Variants in INO80 observed in about 807,000 individuals in gnomAD.
INO80 encodes the protein INO80 complex ATPase subunit.
INO80 carries 20 observed loss-of-function variants against 203.4 expected under a neutral mutation model. The observed-to-expected ratio is 0.10, with a 90% CI of 0.07 to 0.14. The LOEUF (loss-of-function observed/expected upper bound fraction) is 0.14. Ranked by LOEUF, INO80 falls within the 10% of genes least tolerant of loss-of-function variation. The pLI is 1.00. For missense variants in INO80, 1,419 were observed against 1,914.4 expected, an observed-to-expected ratio of 0.74 and a Z score of 4.83; for synonymous variants, 726 against 685.2, an observed-to-expected ratio of 1.06 and a Z score of -0.93.
chr15:41,106,418 A>G (rs1270575256), intron 1 of INO80, among the ~76,000 whole-genome samples: 1 of 150,028 alleles, frequency 6.7e-6, no homozygotes, highest in East Asian at 2.0e-4. Flanking sequence ...GAAAGAAAAA[A>G]ATTAGATTAG....
chr15:41,036,349 A>G (rs1351597856), intron 24 of INO80, among the ~76,000 whole-genome samples: 1 of 151,890 alleles, frequency 6.6e-6, no homozygotes, highest in Non-Finnish European at 1.5e-5. Context: ...AGCAACCTCT[A>G]TTGCAAGTTT....
At chr15:41,086,079 G>A (rs2045558740) in intron 6 of INO80, among the ~76,000 whole-genome samples, 2 of 152,112 alleles carry the variant, frequency 1.3e-5, no homozygotes, top group Admixed American at 6.6e-5. Context: ...TCAAGTAATA[G>A]TCAAAGGAAG....
At chr15:41,090,911 G>C (rs1334749039) in intron 5 of INO80, among the ~76,000 whole-genome samples, 1 of 148,222 alleles carries the variant, frequency 6.7e-6, no homozygotes, top group Non-Finnish European at 1.5e-5. Context: ...TGATTCCAGA[G>C]AATTTTAGAA....
intron 28 of INO80, among the ~76,000 whole-genome samples, chr15:41,003,331 T>TTC (rs1341794126): frequency 6.0e-5 from 7 of 117,592 alleles, no homozygotes; most frequent in African/African-American, 1.5e-4. Flanking sequence ...TTTCTTTTCT[T>TTC]TTCTTTTTTT....
chr15:41,068,492 C>A (rs981943710), intron 14 of INO80, among the ~76,000 whole-genome samples: 1 of 151,642 alleles, frequency 6.6e-6, no homozygotes, highest in East Asian at 1.9e-4. Flanking sequence ...ACCCTGGAGG[C>A]AAAGGTTGCG....
At chr15:41,056,240 G>A (rs760302101) in intron 17 of INO80, among the ~76,000 whole-genome samples, 7 of 151,914 alleles carry the variant, frequency 4.6e-5, no homozygotes, top group Non-Finnish European at 7.4e-5. Flanking sequence ...GCAGCTGCAC[G>A]CAGCCTCTAT....
intron 25 of INO80, chr15:41,024,535 CA>C (rs2044346652): frequency 6.6e-6 from 1 of 152,230 alleles, no homozygotes; most frequent in Non-Finnish European, 1.5e-5. Flanking sequence ...ACAGTACCTT[CA>C]GGGGCTGCCC....
rs776508189 is a variant in INO80, at chr15:41,047,521, T to G, written c.2642-20A>C. On this transcript the variant is annotated intron_variant, in intron 22 of 35. Coordinates refer to ENST00000648947, the MANE Select transcript of INO80 (RefSeq NM_017553.3). ...TAATACCTGAAATATAAAAGACAAT[T>G]TGAAACCCAACAGCAAACCAAGAGA... 1 of 1,534,294 alleles carries G rather than the reference T, an allele frequency of 6.5e-7. No individual in the cohort carries two copies. The highest frequency in any genetic ancestry group is 2.3e-5 in the East Asian group (1 of 44,356).
chr15:41,024,463 T>G (rs979373071), intron 25 of INO80: 7 of 152,134 alleles, frequency 4.6e-5, no homozygotes, highest in Non-Finnish European at 1.0e-4. Flanking sequence ...CCACAAAAAA[T>G]GCATACTCTC....
chr15:41,098,337 C>T (rs1233804031), intron 1 of INO80, among the ~76,000 whole-genome samples: 4 of 151,932 alleles, frequency 2.6e-5, no homozygotes, highest in Non-Finnish European at 4.4e-5. Flanking sequence ...AAAAATTAGC[C>T]CATGCGAATT....
chr15:41,068,522 T>C (rs2045259246), intron 14 of INO80, among the ~76,000 whole-genome samples: 1 of 151,412 alleles, frequency 6.6e-6, no homozygotes, highest in African/African-American at 2.4e-5. Context: ...GTTTGCACCA[T>C]TACACTCTAG....
chr15:41,058,559 G>GTA, intron 16 of INO80, 80 bp downstream of exon 16: 1 of 1,051,088 alleles, frequency 9.5e-7, no homozygotes, highest in Non-Finnish European at 1.4e-6. Context: ...GTCTGTGTGT[G>GTA]TGTGTGTGTG....
At chr15:40,987,725 A>G in intron 30 of INO80, 91 bp downstream of exon 30, 1 of 1,226,200 alleles carries the variant, frequency 8.2e-7, no homozygotes, top group Admixed American at 2.2e-5. Context: ...AATGAAAGGC[A>G]AGAGAGTTTT....
rs1411021153 is a variant in INO80 at position 40,997,789 on chromosome 15, G to A, written c.3498-188C>T. On this transcript the variant is annotated intron_variant, in intron 28 of 35. Coordinates refer to ENST00000648947, the MANE Select transcript of INO80 (RefSeq NM_017553.3). The stretch of plus-strand genomic sequence containing the variant: ...TGCTCTGTTGTTACAACCAAACATG[G>A]AGGTCATCTTCCAATTTGCAGATAA... 4 of 468,862 alleles carry A rather than the reference G, an allele frequency of 8.5e-6. No individual in the cohort carries two copies. In the East Asian group the frequency reaches 1.1e-4, roughly 13 times the overall value. The allele number at this position is 468,862 out of a possible 1,614,324, so 29.0% of individuals were successfully genotyped here.
chr15:41,027,143 G>A (rs1474725823), intron 25 of INO80, among the ~76,000 whole-genome samples: 1 of 152,208 alleles, frequency 6.6e-6, no homozygotes, highest in African/African-American at 2.4e-5. Context: ...TGATGCTGGA[G>A]TGTTATGTTT....
intron 29 of INO80, among the ~76,000 whole-genome samples, chr15:40,991,619 A>T (rs12910027): frequency 0.46 from 69,234 of 151,646 alleles, 17,629 homozygotes; most frequent in East Asian, 0.7. Flanking sequence ...CTAAGGAGAA[A>T]TAGTAGTCAA....
chr15:41,103,150 A>AT (rs2045833662), intron 1 of INO80, among the ~76,000 whole-genome samples: 1 of 152,066 alleles, frequency 6.6e-6, no homozygotes, highest in African/African-American at 2.4e-5. Flanking sequence ...TCTATGAATC[A>AT]TTTTTTACAC....
intron 24 of INO80, among the ~76,000 whole-genome samples, chr15:41,028,439 T>C (rs2044410215): frequency 6.6e-6 from 1 of 152,176 alleles, no homozygotes; most frequent in African/African-American, 2.4e-5. Flanking sequence ...CCTGGCAATT[T>C]CCTTCTAAAT....
In INO80 at chr15:41,051,128, C is replaced by CAAAAAAAA. The variant is rs368535813; in HGVS notation, c.2275-1034_2275-1027dup. 1.3e-3 allele frequency among the ~76,000 whole-genome samples: 101 copies of CAAAAAAAA among 78,426 alleles called. 3 individuals are homozygous for CAAAAAAAA. Among genetic ancestry groups the CAAAAAAAA allele is most frequent in the Non-Finnish European group, 1.6e-3 (68 of 43,264 alleles). 51.5% of individuals were successfully genotyped at this position (78,426 alleles called of 152,430 possible). A position where few individuals can be genotyped will look rare whatever the true frequency, so the allele number is the denominator to read the frequency against. ...TGGGTGACAGAATGAGACTCCATCT[C>CAAAAAAAA]AAAAAAAAAAAAAAAGAAAGTTCTC... On this transcript the variant is annotated intron_variant, in intron 19 of 35. Transcript: ENST00000648947.
Sources: allele counts gnomAD v4.1 joint callset (sites outside exome capture counted in the v4.1 genomes callset), GRCh38; gene constraint gnomAD v4.1.1; transcripts MANE v1.5; gene names NCBI Gene and HGNC (gene_info 2026-07-23, HGNC 2026-07-21).